CAMK1G: variants seen among roughly 807,000 people sequenced by gnomAD.
CAMK1G encodes the protein calcium/calmodulin dependent protein kinase IG, also known as calcium/calmodulin-dependent protein kinase type 1G.
Under a neutral mutation model 54.8 loss-of-function variants are expected in CAMK1G, and 27 were observed. The ratio of observed to expected loss-of-function variants is 0.49; its 90% CI spans 0.36 to 0.68. The LOEUF (loss-of-function observed/expected upper bound fraction) is 0.68. CAMK1G is among the 30% of genes least tolerant of loss of function. The pLI is 0.00. For missense variants in CAMK1G, 512 were observed against 591.0 expected (o/e 0.87, Z 1.39); for synonymous variants, 238 against 224.9 (o/e 1.06, Z -0.52).
chr1:209,594,876 C>T, intron 1 of CAMK1G, 79 bp from the exon 2 acceptor site: 1 of 764,638 alleles, frequency 1.3e-6, no homozygotes, highest in Non-Finnish European at 2.1e-6. Context: ...GTCAGTATTG[C>T]AGCCTGTTTT....
chr1:209,598,192 G>T (rs1333673972), intron 2 of CAMK1G, among the ~76,000 whole-genome samples: 1 of 152,166 alleles, frequency 6.6e-6, no homozygotes, highest in Non-Finnish European at 1.5e-5. Flanking sequence ...TTGGAATCCT[G>T]CCCTGTATTC....
At chr1:209,612,713 C>T (rs1381895490) in intron 11 of CAMK1G, 72 bp from the exon 12 acceptor site, 1 of 1,264,132 alleles carries the variant, frequency 7.9e-7, no homozygotes, top group African/African-American at 1.5e-5. Flanking sequence ...AGAGAACTAC[C>T]ACCTCTGCCC....
intron 3 of CAMK1G, among the ~76,000 whole-genome samples, chr1:209,601,765 C>T (rs973522497): frequency 1.3e-5 from 2 of 152,130 alleles, no homozygotes; most frequent in African/African-American, 4.8e-5. Flanking sequence ...AAGAAGATAG[C>T]TACTATTGAT....
At chr1:209,604,218 G>C (rs9430005) in intron 4 of CAMK1G, among the ~76,000 whole-genome samples, 3,869 of 152,322 alleles carry the variant, frequency 0.025, 172 homozygotes, top group East Asian at 0.23. Flanking sequence ...CCTCTAAAGA[G>C]AGGTAGCAGG....
chr1:209,587,204 T>C (rs1665124775), intron 1 of CAMK1G, among the ~76,000 whole-genome samples: 1 of 151,898 alleles, frequency 6.6e-6, no homozygotes, highest in Non-Finnish European at 1.5e-5. Flanking sequence ...ACCCGTGAAC[T>C]GGAAGTGAGT....
intron 2 of CAMK1G, among the ~76,000 whole-genome samples, chr1:209,597,221 A>G (rs1665412219): frequency 6.6e-6 from 1 of 152,180 alleles, no homozygotes; most frequent in South Asian, 2.1e-4. Context: ...GAAATATAAT[A>G]ATTATCATAT....
intron 3 of CAMK1G, among the ~76,000 whole-genome samples, chr1:209,601,168 T>C (rs1040520380): frequency 1.3e-5 from 2 of 152,224 alleles, no homozygotes; most frequent in East Asian, 3.9e-4. Context: ...GATTGGAGGG[T>C]GCCAGCCTAG....
intron 1 of CAMK1G, among the ~76,000 whole-genome samples, chr1:209,584,463 C>G (rs1665043999): frequency 6.6e-6 from 1 of 152,142 alleles, no homozygotes; most frequent in South Asian, 2.1e-4. Flanking sequence ...TCCCCAGGGG[C>G]GCGTCTACCT....
intron 1 of CAMK1G, among the ~76,000 whole-genome samples, chr1:209,588,009 A>G (rs193141689): frequency 9.2e-5 from 14 of 152,202 alleles, no homozygotes; most frequent in African/African-American, 3.1e-4. Flanking sequence ...AGCAGAGACT[A>G]TAAAGCAGTC....
intron 1 of CAMK1G, among the ~76,000 whole-genome samples, chr1:209,589,478 C>A (rs991969161): frequency 2.6e-5 from 4 of 152,204 alleles, no homozygotes; most frequent in Non-Finnish European, 5.9e-5. Flanking sequence ...GGTCTTCTTG[C>A]TATAGGCTCC....
At chr1:209,601,262 G>A in intron 3 of CAMK1G, among the ~76,000 whole-genome samples, 1 of 152,156 alleles carries the variant, frequency 6.6e-6, no homozygotes, top group East Asian at 1.9e-4. Flanking sequence ...AGAATCATAT[G>A]TGCCTAAAAG....
At position 209,603,268 on chromosome 1, in the gene CAMK1G, C is replaced by T; in HGVS notation, c.276C>T (p.His92=). 6.2e-7 allele frequency: 1 copy of T among 1,614,092 alleles called. No homozygotes were observed. Among genetic ancestry groups the T allele is most frequent in the Non-Finnish European group, 8.5e-7 (1 of 1,179,926 alleles). ...TLEDIYESTT[H]YYLVMQLVSG... Reference sequence around the variant, plus strand: ...AGGACATCTATGAGAGCACCACCCACTACTACCTGGTCATGCAGCTGTAAG... The same window carrying T: ...AGGACATCTATGAGAGCACCACCCATTACTACCTGGTCATGCAGCTGTAAG... The change falls in exon 4 of 13, where the codon CAC becomes CAT. Residue 92 remains histidine (H), a synonymous_variant. Coordinates refer to ENST00000361322, the MANE Select transcript of CAMK1G (RefSeq NM_020439.3).
intron 3 of CAMK1G, 44 bp downstream of exon 3, chr1:209,600,155 C>G (rs1259845351): frequency 6.3e-7 from 1 of 1,592,500 alleles, no homozygotes; most frequent in Non-Finnish European, 8.5e-7. Context: ...GGGATCACAA[C>G]ATTTTCTTCA....
rs1307439125 is a variant in CAMK1G at position 209,606,291 on chromosome 1, T to C, written c.436-29T>C. ...AAAATACTTGCTTCAGGTGGTTATA[T>C]CCTACACTACATATTTTTTCTCCTA... On this transcript the variant is annotated intron_variant, in intron 5 of 12. Coordinates refer to ENST00000361322, the MANE Select transcript of CAMK1G (RefSeq NM_020439.3). 6 of 1,612,084 alleles carry C rather than the reference T, an allele frequency of 3.7e-6. No individual in the cohort carries two copies. The East Asian group carries it at 1.3e-4, about 36-fold the overall frequency.
At chr1:209,592,625 A>G (rs1469585779) in intron 1 of CAMK1G, among the ~76,000 whole-genome samples, 3 of 152,118 alleles carry the variant, frequency 2.0e-5, no homozygotes, top group South Asian at 4.1e-4. Context: ...CACCCCATCC[A>G]TGTCACCTGT....
rs1360852796 is a variant in CAMK1G, at chr1:209,612,859, T to C, written c.1415T>C (p.Val472Ala). The change falls in exon 12 of 13, where the codon GTC (valine) becomes GCC (alanine). Residue 472 changes from valine to alanine, a missense_variant. By Grantham distance (64) the Val-to-Ala change is moderately conservative. Coordinates refer to ENST00000361322, the MANE Select transcript of CAMK1G (RefSeq NM_020439.3). ...SSHCRAGQTG[V>A]CLIM The stretch of plus-strand genomic sequence containing the variant: ...CACTGCCGGGCAGGGCAGACTGGAG[T>C]CTGTCTCATTATGTGATTCCTGGAG... 1 of 1,611,890 alleles carries C rather than the reference T, an allele frequency of 6.2e-7. No individual in the cohort carries two copies. Among genetic ancestry groups the C allele is most frequent in the Admixed American group, 1.7e-5 (1 of 60,006 alleles).
At chr1:209,612,702 C>A in intron 11 of CAMK1G, 83 bp from the exon 12 acceptor site, 1 of 1,138,638 alleles carries the variant, frequency 8.8e-7, no homozygotes, top group Non-Finnish European at 1.3e-6. Context: ...GCCACAGGCA[C>A]AGAGAACTAC....
At chr1:209,607,750 C>A in intron 6 of CAMK1G, 108 bp from the exon 7 acceptor site, 1 of 817,926 alleles carries the variant, frequency 1.2e-6, no homozygotes, top group Non-Finnish European at 2.0e-6. Flanking sequence ...GAAACCCCAC[C>A]ATCCCACAGT....
chr1:209,602,621 T>C (rs1031855389), intron 3 of CAMK1G, among the ~76,000 whole-genome samples: 39 of 152,360 alleles, frequency 2.6e-4, no homozygotes, highest in African/African-American at 9.1e-4. Flanking sequence ...TCAAAATGTA[T>C]TCAAAGCTTT....
Sources: gnomAD v4.1 joint callset for allele counts (sites outside exome capture counted in the v4.1 genomes callset) on GRCh38, gnomAD v4.1.1 for gene constraint, MANE v1.5 for transcripts, NCBI Gene and HGNC (gene_info 2026-07-23, HGNC 2026-07-21) for gene names.